Variants in C2orf15 observed in about 807,000 individuals in gnomAD.
C2orf15 encodes uncharacterized protein C2orf15.
A neutral mutation model predicts 4.4 loss-of-function variants in C2orf15; 3 were observed. The observed-to-expected ratio is 0.67, with a 90% CI of 0.31 to 1.74. C2orf15 has a LOEUF of 1.74. Among genes scored for constraint, C2orf15 ranks in the 40% most tolerant of loss-of-function variants. The pLI is 0.09. For synonymous variants in C2orf15, 37 were observed against 36.8 expected (o/e 1.00, Z -0.02); for missense variants, 90 against 103.3 (o/e 0.87, Z 0.56).
chr2:99,145,331 G>A (rs890717588), intron 2 of C2orf15, among the ~76,000 whole-genome samples: 1 of 152,154 alleles, frequency 6.6e-6, no homozygotes, highest in African/African-American at 2.4e-5. Context: ...GCCAAGGCAG[G>A]TGGATCACTT....
At chr2:99,145,320 G>A (rs1211999741) in intron 2 of C2orf15, among the ~76,000 whole-genome samples, 1 of 152,130 alleles carries the variant, frequency 6.6e-6, no homozygotes, top group Non-Finnish European at 1.5e-5. Flanking sequence ...CATTTTGGGA[G>A]GCCAAGGCAG....
chr2:99,145,120 CCTTT>C (rs2093619121), intron 2 of C2orf15, among the ~76,000 whole-genome samples: 1 of 152,152 alleles, frequency 6.6e-6, no homozygotes, highest in African/African-American at 2.4e-5. Flanking sequence ...GGGAAAATCC[CCTTT>C]CTTGCCTTTC....
rs1246499461 is a variant in C2orf15 at position 99,141,798 on chromosome 2, T to C, written c.-425T>C. 1 of 152,686 alleles carries C rather than the reference T, an allele frequency of 6.5e-6. No homozygotes were observed. Among genetic ancestry groups the C allele is most frequent in the East Asian group, 1.9e-4 (1 of 5,198 alleles). 9.5% of individuals were successfully genotyped at this position (152,686 alleles called of 1,614,324 possible). A position where few individuals can be genotyped will look rare whatever the true frequency, so the allele number is the denominator to read the frequency against. Reference sequence around the variant, plus strand: ...TTTTCCCAGGGCTTGGGCATCATTCTGGACCCATGTTCGGTGAACCGGTTA... The same window carrying C: ...TTTTCCCAGGGCTTGGGCATCATTCCGGACCCATGTTCGGTGAACCGGTTA... On this transcript the variant is annotated 5_prime_UTR_variant, in exon 1 of 4. Coordinates refer to ENST00000650052, the MANE Select transcript of C2orf15 (RefSeq NM_144706.4).
At chr2:99,146,163 AT>A (rs1338542196) in intron 2 of C2orf15, among the ~76,000 whole-genome samples, 2 of 152,202 alleles carry the variant, frequency 1.3e-5, no homozygotes, top group Non-Finnish European at 2.9e-5. Flanking sequence ...GGTGCCTGTA[AT>A]CCCAGCTACT....
intron 2 of C2orf15, among the ~76,000 whole-genome samples, chr2:99,144,467 T>A (rs1387608956): frequency 6.6e-6 from 1 of 151,662 alleles, no homozygotes; most frequent in Admixed American, 6.6e-5. Context: ...CTAAAAGCCA[T>A]TGCTTCATGT....
At chr2:99,147,557 T>C (rs1453931490) in intron 3 of C2orf15, 64 bp downstream of exon 3, 1 of 1,419,010 alleles carries the variant, frequency 7.0e-7, no homozygotes, top group Non-Finnish European at 9.9e-7. Context: ...TTTTATTAGA[T>C]TGAAGTTTAA....
Position 99,150,672 on chromosome 2 carries a change from TCA to T in C2orf15, c.115_116del (p.Gln39ValfsTer22). 1 of 1,614,090 alleles carries T rather than the reference TCA, an allele frequency of 6.2e-7. No homozygotes were observed. The highest frequency in any genetic ancestry group is 8.5e-7 in the Non-Finnish European group (1 of 1,179,992). ...TEKSRLEPAT[Q>X]LFQNTKKIRL... Reference sequence around the variant, plus strand: ...AAAAAAGCAGGTTGGAACCAGCGACTCAGTTATTTCAAAACACCAAGAAAATA... The same window carrying T: ...AAAAAAGCAGGTTGGAACCAGCGACTGTTATTTCAAAACACCAAGAAAATA... On this transcript the variant is annotated frameshift_variant, in exon 4 of 4. Transcript: ENST00000650052. LOFTEE classifies it high-confidence loss of function.
Position 99,150,640 on chromosome 2 carries a change from G to C in C2orf15, c.82G>C (p.Gly28Arg), listed in dbSNP as rs766935435. 20 of 1,613,922 alleles carry C rather than the reference G, an allele frequency of 1.2e-5. No homozygotes were observed. The African/African-American group carries it at 2.4e-4, about 19-fold the overall frequency. ...DSKVDDHLIR[G>R]TEKSRLEPAT... ...AAAAGTGGATGATCACTTAATACGA[G>C]GGACTGAAAAAAGCAGGTTGGAACC... The change falls in exon 4 of 4, where the codon GGG (glycine) becomes CGG (arginine). Residue 28 changes from glycine to arginine, a missense_variant. Gly to Arg is a moderately radical substitution (Grantham distance 125). Transcript: ENST00000650052.
chr2:99,150,956 G>A lies in C2orf15; in HGVS notation c.*122G>A. 1.6e-6 allele frequency: 1 copy of A among 643,454 alleles called. No individual in the cohort carries two copies. Among genetic ancestry groups the A allele is most frequent in the East Asian group, 2.8e-5 (1 of 36,152 alleles). 39.9% of individuals were successfully genotyped at this position (643,454 alleles called of 1,614,324 possible). On this transcript the variant is annotated 3_prime_UTR_variant, in exon 4 of 4. Transcript: ENST00000650052. ...TGATGGAAGACTATTGCCTTATTTTGCACTATTTGTGAATCATCTTACACT... is the reference window on the plus strand; with the variant it reads ...TGATGGAAGACTATTGCCTTATTTTACACTATTTGTGAATCATCTTACACT...
At chr2:99,147,171 A>T (rs1398311848) in intron 2 of C2orf15, 1 of 316,296 alleles carries the variant, frequency 3.2e-6, no homozygotes, top group Non-Finnish European at 5.7e-6. Flanking sequence ...GTTTTTTTTA[A>T]TTTTTTTCTG....
intron 3 of C2orf15, among the ~76,000 whole-genome samples, chr2:99,148,911 A>AT (rs1236835991): frequency 6.6e-6 from 1 of 152,230 alleles, no homozygotes; most frequent in African/African-American, 2.4e-5. Context: ...ATGTCATTGA[A>AT]TTGTACACTT....
intron 2 of C2orf15, among the ~76,000 whole-genome samples, chr2:99,144,921 GAGAC>G (rs1204617502): frequency 6.6e-6 from 1 of 152,210 alleles, no homozygotes; most frequent in African/African-American, 2.4e-5. Flanking sequence ...ATAAGGCAAA[GAGAC>G]AGGAGAGAGT....
rs1325412418 is a variant in C2orf15, at chr2:99,150,526, G to A, written c.-33G>A. The A allele has an allele frequency of 2.5e-6, 4 of 1,593,770 alleles. No individual in the cohort carries two copies. Among genetic ancestry groups the A allele is most frequent in the Middle Eastern group, 1.7e-4 (1 of 5,978 alleles). On this transcript the variant is annotated 5_prime_UTR_variant, in exon 4 of 4. Coordinates refer to ENST00000650052, the MANE Select transcript of C2orf15 (RefSeq NM_144706.4). Reference sequence around the variant, plus strand: ...ACTTCCACTACTTAAAAAGGTACCTGCAAATTACTTTCACATTTGTTCAGC... The same window carrying A: ...ACTTCCACTACTTAAAAAGGTACCTACAAATTACTTTCACATTTGTTCAGC...
chr2:99,143,117 C>CCTG (rs1424568072), intron 2 of C2orf15, among the ~76,000 whole-genome samples: 1 of 151,100 alleles, frequency 6.6e-6, no homozygotes, highest in African/African-American at 2.4e-5. Flanking sequence ...AGTGTCCCAC[C>CCTG]CTGCCCCAAC....
intron 3 of C2orf15, among the ~76,000 whole-genome samples, chr2:99,149,237 G>A (rs1225266417): frequency 6.6e-6 from 1 of 151,132 alleles, no homozygotes; most frequent in Non-Finnish European, 1.5e-5. Context: ...ATCTCAGGTT[G>A]CTACTATAGC....
rs1472928782 is a variant in C2orf15, at chr2:99,147,513, G to A, written c.-77+20G>A. ...GTTAAGGTAAGACTCACAGGGCCAA[G>A]TCTACCCTATTATACTTGGTTCCTC... On this transcript the variant is annotated intron_variant, in intron 3 of 3. Coordinates refer to ENST00000650052, the MANE Select transcript of C2orf15 (RefSeq NM_144706.4). The A allele has an allele frequency of 6.2e-7, 1 of 1,612,008 alleles. No homozygotes were observed. The highest frequency in any genetic ancestry group is 8.5e-7 in the Non-Finnish European group (1 of 1,178,218).
intron 2 of C2orf15, chr2:99,147,132 A>G (rs2093640363): frequency 4.1e-6 from 1 of 246,752 alleles, no homozygotes; most frequent in Non-Finnish European, 7.7e-6. Flanking sequence ...GGTTATTTTT[A>G]TTACTTTCAC....
intron 3 of C2orf15, 29 bp from the exon 4 acceptor site, chr2:99,150,454 T>TC: frequency 7.8e-7 from 1 of 1,284,114 alleles, no homozygotes; most frequent in South Asian, 1.4e-5. Flanking sequence ...CCTGCTGCAT[T>TC]CACTTGTTAC....
At chr2:99,148,774 CA>C (rs2093658189) in intron 3 of C2orf15, among the ~76,000 whole-genome samples, 1 of 152,140 alleles carries the variant, frequency 6.6e-6, no homozygotes, top group Admixed American at 6.6e-5. Context: ...GGTTCAAGAC[CA>C]GCCTGGTCAA....
Sources: gnomAD v4.1 joint callset for allele counts (sites outside exome capture counted in the v4.1 genomes callset) on GRCh38, gnomAD v4.1.1 for gene constraint, MANE v1.5 for transcripts, NCBI Gene and HGNC (gene_info 2026-07-23, HGNC 2026-07-21) for gene names.